UBL3: variants seen among roughly 807,000 people sequenced by gnomAD.
The protein encoded by UBL3 is ubiquitin-like protein 3.
UBL3 carries 6 observed loss-of-function variants against 18.4 expected under a neutral mutation model. The ratio of observed to expected loss-of-function variants is 0.33; its 90% CI spans 0.18 to 0.64. The LOEUF (loss-of-function observed/expected upper bound fraction) is 0.64. UBL3 is among the 30% of genes least tolerant of loss of function. The probability of loss-of-function intolerance (pLI) is 0.76; values close to 1 mark genes in which losing one functional copy is unlikely to be tolerated. For missense variants in UBL3, 109 were observed against 142.9 expected (o/e 0.76, Z 1.21); for synonymous variants, 49 against 46.6 (o/e 1.05, Z -0.21).
At chr13:29,817,382 A>T (rs896719891) in intron 1 of UBL3, among the ~76,000 whole-genome samples, 1 of 152,184 alleles carries the variant, frequency 6.6e-6, no homozygotes, top group Non-Finnish European at 1.5e-5. Flanking sequence ...CGAATTTTTT[A>T]AATGAATTAA....
At chr13:29,791,717 T>C (rs571277517) in intron 1 of UBL3, among the ~76,000 whole-genome samples, 32 of 152,336 alleles carry the variant, frequency 2.1e-4, no homozygotes, top group Admixed American at 2.0e-3. Context: ...ATAGGGTCCA[T>C]GCTTGCCTAG....
Position 29,767,097 on chromosome 13 carries a change from A to T in UBL3, c.*158T>A. The T allele has an allele frequency of 1.7e-6, 1 of 600,696 alleles. No homozygotes were observed. 37.2% of individuals were successfully genotyped at this position (600,696 alleles called of 1,614,324 possible). The stretch of plus-strand genomic sequence containing the variant: ...GTGAAAAATGTTCTTGGTTCTTTTT[A>T]CTTTCATGAGAAAAGATGACAGTGT... On this transcript the variant is annotated 3_prime_UTR_variant, in exon 5 of 5. Transcript: ENST00000380680.
chr13:29,823,341 A>G (rs1408009152), intron 1 of UBL3, among the ~76,000 whole-genome samples: 1 of 152,122 alleles, frequency 6.6e-6, no homozygotes, highest in Non-Finnish European at 1.5e-5. Flanking sequence ...GGGTTTCTCC[A>G]TGTTTGTCAG....
At position 29,816,754 on chromosome 13, in the gene UBL3, C is replaced by CAAAAA. The variant is rs57272367; in HGVS notation, c.27+32753_27+32757dup. ...TGGGTGACTGAGCAAGACCCTGTCT[C>CAAAAA]AAAAAAAAAAAAAAAAAAAAAAAAA... On this transcript the variant is annotated intron_variant, in intron 1 of 4. Coordinates refer to ENST00000380680, the MANE Select transcript of UBL3 (RefSeq NM_007106.4). 2.3e-4 allele frequency among the ~76,000 whole-genome samples: 10 copies of CAAAAA among 42,620 alleles called. 2 individuals are homozygous for CAAAAA. Among genetic ancestry groups the CAAAAA allele is most frequent in the Non-Finnish European group, 3.7e-4 (7 of 18,702 alleles). The allele number at this position is 42,620 out of a possible 152,430, so 28.0% of individuals were successfully genotyped here.
intron 1 of UBL3, among the ~76,000 whole-genome samples, chr13:29,833,582 T>C (rs761142025): frequency 1.3e-5 from 2 of 152,182 alleles, no homozygotes; most frequent in East Asian, 1.9e-4. Flanking sequence ...GATAGCTGCA[T>C]GGCTTGCTCC....
intron 1 of UBL3, among the ~76,000 whole-genome samples, chr13:29,835,136 ATATATATATATATATATATATATAT>A (rs1878914286): frequency 8.0e-4 from 7 of 8,730 alleles, no homozygotes; most frequent in East Asian, 7.5e-3. Flanking sequence ...ATATATATAT[ATATATATATATATATATATATATAT>A]ATATATATAT....
intron 1 of UBL3, among the ~76,000 whole-genome samples, chr13:29,840,289 A>G (rs536984211): frequency 6.6e-6 from 1 of 152,330 alleles, no homozygotes; most frequent in South Asian, 2.1e-4. Flanking sequence ...AAAACTTGTC[A>G]AAATTGACAA....
At chr13:29,825,660 T>C (rs979191709) in intron 1 of UBL3, among the ~76,000 whole-genome samples, 1 of 152,202 alleles carries the variant, frequency 6.6e-6, no homozygotes, top group Non-Finnish European at 1.5e-5. Flanking sequence ...AGGGACAATT[T>C]AACTTCTTTT....
In UBL3 at chr13:29,767,105, G is replaced by T. The variant is rs1002539661; in HGVS notation, c.*150C>A. 9.5e-6 allele frequency: 6 copies of T among 633,424 alleles called. No homozygotes were observed. The African/African-American group carries it at 1.1e-4, about 12-fold the overall frequency. The allele number at this position is 633,424 out of a possible 1,614,324, so 39.2% of individuals were successfully genotyped here. A position where few individuals can be genotyped will look rare whatever the true frequency, so the allele number is the denominator to read the frequency against. On this transcript the variant is annotated 3_prime_UTR_variant, in exon 5 of 5. Coordinates refer to ENST00000380680, the MANE Select transcript of UBL3 (RefSeq NM_007106.4). The stretch of plus-strand genomic sequence containing the variant: ...TGTTCTTGGTTCTTTTTACTTTCAT[G>T]AGAAAAGATGACAGTGTTCATGTGG...
At chr13:29,827,967 G>C (rs1878668086) in intron 1 of UBL3, among the ~76,000 whole-genome samples, 1 of 152,126 alleles carries the variant, frequency 6.6e-6, no homozygotes, top group African/African-American at 2.4e-5. Flanking sequence ...ATGAAATTCT[G>C]GGTTGAAAAT....
chr13:29,840,240 T>G (rs1879064433), intron 1 of UBL3, among the ~76,000 whole-genome samples: 1 of 152,026 alleles, frequency 6.6e-6, no homozygotes, highest in African/African-American at 2.4e-5. Context: ...TAAGCTGAAC[T>G]GGAAAATTCA....
At chr13:29,822,209 C>T (rs964423519) in intron 1 of UBL3, among the ~76,000 whole-genome samples, 14 of 152,116 alleles carry the variant, frequency 9.2e-5, no homozygotes, top group African/African-American at 3.4e-4. Context: ...ACTTCATTTA[C>T]TTTTAGCTGG....
At chr13:29,839,934 A>G (rs1158046746) in intron 1 of UBL3, among the ~76,000 whole-genome samples, 2 of 146,886 alleles carry the variant, frequency 1.4e-5, no homozygotes, top group African/African-American at 2.5e-5. Flanking sequence ...CTCGGGGGAA[A>G]AAAAAAAAAA....
At chr13:29,771,464 G>A (rs1876839074) in intron 3 of UBL3, among the ~76,000 whole-genome samples, 1 of 152,034 alleles carries the variant, frequency 6.6e-6, no homozygotes, top group Admixed American at 6.6e-5. Flanking sequence ...ATGCACGTAA[G>A]CACTTTGAAT....
At chr13:29,814,254 A>G (rs1186461493) in intron 1 of UBL3, among the ~76,000 whole-genome samples, 2 of 152,120 alleles carry the variant, frequency 1.3e-5, no homozygotes, top group East Asian at 3.8e-4. Context: ...AAGGTCTTTC[A>G]GCAGTTACAA....
chr13:29,767,816 TAACTC>T (rs1172009136), intron 3 of UBL3, 121 bp from the exon 4 acceptor site: 6 of 671,290 alleles, frequency 8.9e-6, no homozygotes, highest in South Asian at 5.2e-5. Flanking sequence ...AGATTCAACT[TAACTC>T]AGAGTACCTT....
chr13:29,770,178 T>C (rs1022451781), intron 3 of UBL3, among the ~76,000 whole-genome samples: 1 of 152,090 alleles, frequency 6.6e-6, no homozygotes, highest in Non-Finnish European at 1.5e-5. Context: ...TTTCCCTGTG[T>C]GCTATCTTCT....
chr13:29,789,726 T>C (rs944871150), intron 1 of UBL3, among the ~76,000 whole-genome samples: 1 of 152,230 alleles, frequency 6.6e-6, no homozygotes, highest in African/African-American at 2.4e-5. Flanking sequence ...GCATAATGTA[T>C]TGATGTAGAA....
At chr13:29,820,785 C>T (rs1878415293) in intron 1 of UBL3, among the ~76,000 whole-genome samples, 1 of 152,160 alleles carries the variant, frequency 6.6e-6, no homozygotes, top group Non-Finnish European at 1.5e-5. Flanking sequence ...AGCTTATTTG[C>T]TATTATTTGT....
Sources: gnomAD v4.1 joint callset for allele counts (sites outside exome capture counted in the v4.1 genomes callset) on GRCh38, gnomAD v4.1.1 for gene constraint, MANE v1.5 for transcripts, NCBI Gene and HGNC (gene_info 2026-07-23, HGNC 2026-07-21) for gene names.